Variants in SRPK2 observed in about 807,000 individuals in gnomAD.
SRPK2 encodes SRSF protein kinase 2.
Under a neutral mutation model 90.8 loss-of-function variants are expected in SRPK2, and 21 were observed. The observed-to-expected ratio is 0.23, with a 90% CI of 0.16 to 0.33. The LOEUF (loss-of-function observed/expected upper bound fraction) is 0.33, where lower values mean the gene tolerates loss of function less well. Ranked by LOEUF, SRPK2 falls within the 10% of genes least tolerant of loss-of-function variation. SRPK2 has a pLI of 1.00. For synonymous variants in SRPK2, 288 were observed against 311.1 expected (o/e 0.93, Z 0.78); for missense variants, 620 against 869.0 (o/e 0.71, Z 3.60).
At chr7:105,362,535 AG>A (rs1227057826) in intron 2 of SRPK2, among the ~76,000 whole-genome samples, 1 of 150,966 alleles carries the variant, frequency 6.6e-6, no homozygotes, top group Non-Finnish European at 1.5e-5. Flanking sequence ...AAAAAAAAAA[AG>A]TCAGGAAACA....
At chr7:105,390,640 A>G (rs1822151461), upstream of SRPK2, among the ~76,000 whole-genome samples, 1 of 135,724 alleles carries the variant, frequency 7.4e-6, no homozygotes, top group Non-Finnish European at 1.5e-5. Flanking sequence ...TTTAGTAGAG[A>G]CAGGGTTTCA....
chr7:105,149,666 A>G (rs889644805), intron 7 of SRPK2, among the ~76,000 whole-genome samples: 1 of 152,148 alleles, frequency 6.6e-6, no homozygotes, highest in African/African-American at 2.4e-5. Context: ...CACTCCTTCA[A>G]TCCAACACTG....
At chr7:105,191,497 G>A (rs1341817259) in intron 3 of SRPK2, among the ~76,000 whole-genome samples, 1 of 152,184 alleles carries the variant, frequency 6.6e-6, no homozygotes, top group Non-Finnish European at 1.5e-5. Flanking sequence ...GGTTGTAGTA[G>A]TAGTGAGCTG....
chr7:105,275,680 T>C (rs1475799651), intron 2 of SRPK2, among the ~76,000 whole-genome samples: 1 of 152,142 alleles, frequency 6.6e-6, no homozygotes, highest in Non-Finnish European at 1.5e-5. Context: ...GGAACCCTGA[T>C]GAGGAGTAGC....
intron 3 of SRPK2, among the ~76,000 whole-genome samples, chr7:105,181,973 A>C (rs1223216492): frequency 6.6e-6 from 1 of 151,726 alleles, no homozygotes; most frequent in Non-Finnish European, 1.5e-5. Context: ...TCACGCCTGT[A>C]ATCCCAGCAC....
chr7:105,186,706 T>C (rs2129602168), intron 3 of SRPK2, among the ~76,000 whole-genome samples: 1 of 152,310 alleles, frequency 6.6e-6, no homozygotes. Context: ...CTGATGTGCT[T>C]CTAACCAAAA....
At chr7:105,133,652 C>A (rs1802360593) in intron 11 of SRPK2, among the ~76,000 whole-genome samples, 1 of 152,206 alleles carries the variant, frequency 6.6e-6, no homozygotes, top group Non-Finnish European at 1.5e-5. Flanking sequence ...ACACACAGAT[C>A]TCAAGGGGTA....
chr7:105,248,470 G>A (rs1212084634), intron 2 of SRPK2, among the ~76,000 whole-genome samples: 4 of 150,908 alleles, frequency 2.7e-5, no homozygotes, highest in African/African-American at 9.8e-5. Flanking sequence ...CAGGCATGGT[G>A]GTGTGCACCT....
At chr7:105,122,691 C>G (rs1752255005) in intron 15 of SRPK2, among the ~76,000 whole-genome samples, 1 of 152,136 alleles carries the variant, frequency 6.6e-6, no homozygotes, top group South Asian at 2.1e-4. Context: ...TCACATTTCT[C>G]TTGATGTTGT....
chr7:105,249,073 G>A (rs1802128467), intron 2 of SRPK2, among the ~76,000 whole-genome samples: 1 of 152,122 alleles, frequency 6.6e-6, no homozygotes, highest in African/African-American at 2.4e-5. Flanking sequence ...CAGCCTTCTT[G>A]AGGCATATAA....
chr7:105,268,931 C>A (rs1351120885), intron 2 of SRPK2: 6 of 1,525,596 alleles, frequency 3.9e-6, no homozygotes, highest in South Asian at 1.2e-5. Flanking sequence ...AGCCTTATAT[C>A]AAGAGATTTT....
chr7:105,371,349 T>C lies in SRPK2; in HGVS notation c.71+17299A>G, dbSNP rs78359203. On this transcript the variant is annotated intron_variant, in intron 2 of 15. Coordinates refer to ENST00000393651, the MANE Select transcript of SRPK2 (RefSeq NM_182692.3). ...GTTAGTCATTAAATTCTGACAGTAA[T>C]AAATGTAATTTGCAGAAAATAAATT... Among the ~76,000 whole-genome samples the C allele has an allele frequency of 4.7e-3, 712 of 152,244 alleles. 11 individuals are homozygous for C. The East Asian group carries it at 0.055, about 12-fold the overall frequency.
chr7:105,252,611 C>G (rs796809978), intron 2 of SRPK2, among the ~76,000 whole-genome samples: 14 of 152,260 alleles, frequency 9.2e-5, no homozygotes, highest in African/African-American at 2.9e-4. Context: ...CCCAGAAATT[C>G]CACTTAGGCA....
At chr7:105,170,626 A>G (rs1790693644) in intron 3 of SRPK2, among the ~76,000 whole-genome samples, 1 of 151,294 alleles carries the variant, frequency 6.6e-6, no homozygotes, top group African/African-American at 2.4e-5. Context: ...CCCAGGAAGC[A>G]GAGGTTACAG....
chr7:105,362,635 T>C (rs1818566503), intron 2 of SRPK2, among the ~76,000 whole-genome samples: 2 of 152,032 alleles, frequency 1.3e-5, no homozygotes, highest in South Asian at 4.2e-4. Context: ...GAAGACAGTG[T>C]GGTGATTTCT....
intron 2 of SRPK2, among the ~76,000 whole-genome samples, chr7:105,293,415 A>G (rs1809332390): frequency 6.6e-6 from 1 of 152,120 alleles, no homozygotes; most frequent in Non-Finnish European, 1.5e-5. Flanking sequence ...TCCTCATAAA[A>G]TCAGTATTAG....
chr7:105,257,001 A>G (rs897284619), intron 2 of SRPK2, among the ~76,000 whole-genome samples: 1 of 152,250 alleles, frequency 6.6e-6, no homozygotes, highest in East Asian at 1.9e-4. Context: ...GTTGTCCATT[A>G]GAGTACTTAG....
chr7:105,228,160 A>T (rs1197078319), intron 2 of SRPK2, among the ~76,000 whole-genome samples: 1 of 152,142 alleles, frequency 6.6e-6, no homozygotes, highest in Non-Finnish European at 1.5e-5. Flanking sequence ...AAGTGCTGGG[A>T]TTAGAGATGT....
At chr7:105,203,949 T>A (rs1795882395) in intron 2 of SRPK2, among the ~76,000 whole-genome samples, 164 bp from the exon 3 acceptor site, 1 of 141,258 alleles carries the variant, frequency 7.1e-6, no homozygotes, top group Non-Finnish European at 1.5e-5. Context: ...TCAAGTAGTG[T>A]TTCAACATAT....
Sources: allele counts gnomAD v4.1 joint callset (sites outside exome capture counted in the v4.1 genomes callset), GRCh38; gene constraint gnomAD v4.1.1; transcripts MANE v1.5; gene names NCBI Gene and HGNC (gene_info 2026-07-23, HGNC 2026-07-21).